Variants in OPRM1 observed in about 807,000 individuals in gnomAD.
The protein encoded by OPRM1 is opioid receptor mu 1.
Under a neutral mutation model 31.8 loss-of-function variants are expected in OPRM1, and 27 were observed. That is an observed-to-expected ratio of 0.85 (90% CI 0.63 to 1.17). The LOEUF is 1.17. Ranked by LOEUF, OPRM1 falls within the 50% of genes most tolerant of loss-of-function variation. The probability of loss-of-function intolerance (pLI) is 0.00; values close to 1 mark genes in which losing one functional copy is unlikely to be tolerated. For missense variants in OPRM1, 536 were observed against 511.1 expected (o/e 1.05, Z -0.47); for synonymous variants, 196 against 189.9 (o/e 1.03, Z -0.26).
At chr6:154,237,659 T>C (rs1470650690) in intron 3 of OPRM1, among the ~76,000 whole-genome samples, 1 of 152,206 alleles carries the variant, frequency 6.6e-6, no homozygotes, top group African/African-American at 2.4e-5. Context: ...TTTGCATCAC[T>C]GACTTAGAGC....
intron 3 of OPRM1, among the ~76,000 whole-genome samples, chr6:154,150,542 G>C (rs901093324): frequency 1.3e-5 from 2 of 152,214 alleles, no homozygotes; most frequent in Non-Finnish European, 2.9e-5. Flanking sequence ...TAAGGTCCCT[G>C]CCTCATGGGA....
intron 3 of OPRM1, among the ~76,000 whole-genome samples, chr6:154,243,658 G>A (rs1226233851): frequency 2.0e-5 from 3 of 152,170 alleles, no homozygotes; most frequent in Admixed American, 1.3e-4. Flanking sequence ...CTCAGAACCC[G>A]TTGAAGGCAG....
intron 3 of OPRM1, among the ~76,000 whole-genome samples, chr6:154,207,321 A>G (rs1771805877): frequency 6.6e-6 from 1 of 152,230 alleles, no homozygotes; most frequent in African/African-American, 2.4e-5. Flanking sequence ...ATGGCTTACA[A>G]TCATTTTTTG....
At position 154,130,648 on chromosome 6, in the gene OPRM1, T is replaced by C. The variant is rs1797844866; in HGVS notation, c.*11927T>C. Among the ~76,000 whole-genome samples, 2 of 152,152 alleles carry C rather than the reference T, an allele frequency of 1.3e-5. No individual in the cohort carries two copies. Among genetic ancestry groups the C allele is most frequent in the South Asian group, 4.1e-4 (2 of 4,820 alleles). ...TACTAGTATATATATTCCCTTTATA[T>C]ACTAATTGTATATCCATATAAAAGC... On this transcript the variant is annotated 3_prime_UTR_variant, in exon 4 of 4. Coordinates refer to ENST00000330432, the MANE Select transcript of OPRM1 (RefSeq NM_000914.5).
chr6:154,060,858 T>C (rs1784260702), intron 1 of OPRM1, among the ~76,000 whole-genome samples: 1 of 152,186 alleles, frequency 6.6e-6, no homozygotes, highest in South Asian at 2.1e-4. Context: ...TTATACTGGG[T>C]GACACAAGAA....
chr6:154,065,103 C>T (rs1226495228), intron 1 of OPRM1, among the ~76,000 whole-genome samples: 1 of 151,790 alleles, frequency 6.6e-6, no homozygotes, highest in Non-Finnish European at 1.5e-5. Context: ...ATTACATTTC[C>T]AATCCATGAA....
intron 3 of OPRM1, among the ~76,000 whole-genome samples, chr6:154,101,333 G>C (rs1794802189): frequency 6.6e-6 from 1 of 151,968 alleles, no homozygotes; most frequent in South Asian, 2.1e-4. Context: ...TTAAATATGG[G>C]CTCATTCAAA....
chr6:154,113,225 C>T (rs565372348), intron 3 of OPRM1, among the ~76,000 whole-genome samples: 14 of 152,288 alleles, frequency 9.2e-5, no homozygotes, highest in South Asian at 8.3e-4. Context: ...AGGTTCCTGG[C>T]CTGTCTCTAA....
At chr6:154,113,537 G>A (rs757593165) in intron 3 of OPRM1, among the ~76,000 whole-genome samples, 7 of 152,148 alleles carry the variant, frequency 4.6e-5, no homozygotes, top group Non-Finnish European at 8.8e-5. Context: ...CCAAGTACTT[G>A]TCACCTGGAC....
intron 1 of OPRM1, among the ~76,000 whole-genome samples, chr6:154,028,153 G>A (rs67194873): frequency 0.06 from 9,125 of 152,172 alleles, 388 homozygotes; most frequent in African/African-American, 0.11. Context: ...CCTGAGTATT[G>A]CTGCTGGTTA....
chr6:154,062,979 C>T (rs1359541692), intron 1 of OPRM1, among the ~76,000 whole-genome samples: 1 of 151,956 alleles, frequency 6.6e-6, no homozygotes, highest in African/African-American at 2.4e-5. Context: ...TAAACAGTAT[C>T]CTGACATATA....
In OPRM1 at chr6:154,152,332, A is replaced by AAAAGAAAAGG. The variant is rs1296412626; in HGVS notation, c.1164+60862_1164+60863insAGAAAAGGAA. Among the ~76,000 whole-genome samples the AAAAGAAAAGG allele has an allele frequency of 2.1e-3, 39 of 18,378 alleles. 2 individuals carry two copies. The East Asian group carries it at 0.071, about 33-fold the overall frequency. The allele number at this position is 18,378 out of a possible 152,430, so 12.1% of individuals were successfully genotyped here. ...GAAAGAAAGAAAGAAAGAAAGAAAG[A>AAAAGAAAAGG]AAGAAAGAAAGAAAGGAAAGAAAGA... On this transcript the variant is annotated intron_variant, in intron 3 of 3. Coordinates refer to the OPRM1 transcript ENST00000337049.
At chr6:154,116,099 G>A (rs1583609961) in intron 3 of OPRM1, among the ~76,000 whole-genome samples, 2 of 152,070 alleles carry the variant, frequency 1.3e-5, no homozygotes, top group Admixed American at 6.5e-5. Context: ...AGGATCTCCC[G>A]GCAAGAAAAG....
chr6:154,091,717 CTA>C (rs1419149753), intron 3 of OPRM1: 1 of 1,250,560 alleles, frequency 8.0e-7, no homozygotes, highest in Non-Finnish European at 1.0e-6. Context: ...TTCAAAATAA[CTA>C]TTTTTATGGC....
Position 154,128,493 on chromosome 6 carries a change from T to C in OPRM1, c.*9772T>C, listed in dbSNP as rs748215782. 6.6e-5 allele frequency among the ~76,000 whole-genome samples: 10 copies of C among 152,232 alleles called. No individual in the cohort carries two copies. The highest frequency in any genetic ancestry group is 1.5e-4 in the Non-Finnish European group (10 of 68,034). ...AACTGGGACAGTCCGTTGAGGATCC[T>C]TGTGCCAGGATGTATGTTGCCCCAT... On this transcript the variant is annotated 3_prime_UTR_variant, in exon 4 of 4. Transcript: ENST00000330432.
rs559738775 is a variant in OPRM1, at chr6:154,015,617, G to A, written c.-1+4599G>A. Among the ~76,000 whole-genome samples the A allele has an allele frequency of 6.0e-4, 91 of 151,840 alleles. 1 individual carries two copies. Among genetic ancestry groups the A allele is most frequent in the African/African-American group, 1.9e-3 (79 of 41,436 alleles). ...TGGGAAAACTGCCACGCTACTACTC[G>A]AAGTCCAGAAGTAATACAGGAAAAA... On this transcript the variant is annotated intron_variant, in intron 1 of 5. Transcript: ENST00000434900.
chr6:154,213,192 C>T (rs1778108243), intron 3 of OPRM1: 1 of 263,184 alleles, frequency 3.8e-6, no homozygotes, highest in African/African-American at 2.2e-5. Flanking sequence ...TTGTAGGAAT[C>T]CTAATGAATT....
At chr6:154,057,934 C>T (rs1335404681) in intron 1 of OPRM1, among the ~76,000 whole-genome samples, 5 of 152,128 alleles carry the variant, frequency 3.3e-5, no homozygotes, top group African/African-American at 7.2e-5. Context: ...TAAGATGTAA[C>T]TATCAAAAGA....
At chr6:154,028,044 G>T (rs1354830047) in intron 1 of OPRM1, among the ~76,000 whole-genome samples, 2 of 152,168 alleles carry the variant, frequency 1.3e-5, no homozygotes, top group East Asian at 3.9e-4. Flanking sequence ...TTTCTCAAGT[G>T]GAAGGAGTCT....
Sources: allele counts gnomAD v4.1 joint callset (sites outside exome capture counted in the v4.1 genomes callset), GRCh38; gene constraint gnomAD v4.1.1; transcripts MANE v1.5; gene names NCBI Gene and HGNC (gene_info 2026-07-23, HGNC 2026-07-21).